The following ZNF680 variants were observed in gnomAD, a reference collection of about 807,000 sequenced individuals.
The protein encoded by ZNF680 is zinc finger protein 680, also known as hypothetical protein FLJ90430.
In ZNF680, 6 loss-of-function variants were observed where a neutral mutation model predicts 12.1. The observed-to-expected ratio is 0.49, with a 90% CI of 0.27 to 0.98. ZNF680 has a LOEUF of 0.98. ZNF680 is among the 50% of genes least tolerant of loss of function. The pLI is 0.12. For missense variants in ZNF680, 561 were observed against 616.3 expected (o/e 0.91, Z 0.95); for synonymous variants, 170 against 199.3 (o/e 0.85, Z 1.24).
intron 1 of ZNF680, among the ~76,000 whole-genome samples, chr7:64,560,092 G>A (rs1787646967): frequency 1.3e-5 from 2 of 149,760 alleles, no homozygotes; most frequent in African/African-American, 4.9e-5. Context: ...TTTTCTGGTG[G>A]AAATGTATTC....
chr7:64,507,873 ACACACATTT>A, the ZNF680 span, among the ~76,000 whole-genome samples: 1 of 110,704 alleles, frequency 9.0e-6, no homozygotes, highest in East Asian at 2.7e-4. Context: ...ACACACACAC[ACACACATTT>A]TTTTATTTCG....
chr7:64,502,593 T>C, the ZNF680 span, among the ~76,000 whole-genome samples: 2 of 152,248 alleles, frequency 1.3e-5, no homozygotes, highest in African/African-American at 2.4e-5. Context: ...TACGATTTGC[T>C]TTTTAAGGTT....
downstream of ZNF680, among the ~76,000 whole-genome samples, chr7:64,515,543 C>T (rs1653476476): frequency 6.6e-6 from 1 of 152,010 alleles, no homozygotes. Flanking sequence ...ATTGCCTCCA[C>T]CCCATATAAT....
chr7:64,544,439 AACACAC>A lies in ZNF680; in HGVS notation c.31-13_31-8del, dbSNP rs3217570. 3.9e-3 allele frequency: 5,916 copies of A among 1,526,810 alleles called. 1 individual carries two copies. The highest frequency in any genetic ancestry group is 0.024 in the East Asian group (954 of 40,142). 94.6% of individuals were successfully genotyped at this position (1,526,810 alleles called of 1,614,324 possible). On this transcript the variant is annotated splice_region_variant and splice_polypyrimidine_tract_variant and intron_variant, in intron 1 of 3. Transcript: ENST00000309683. Reference sequence around the variant, plus strand: ...CCCTAAATGTCAGTGGTCCCTGAAAAACACACACACACACACACACACACACACACA... The same window carrying A: ...CCCTAAATGTCAGTGGTCCCTGAAAAACACACACACACACACACACACACA...
intron 1 of ZNF680, among the ~76,000 whole-genome samples, chr7:64,557,070 A>G (rs6460161): frequency 0.3 from 46,015 of 151,734 alleles, 7,244 homozygotes; most frequent in East Asian, 0.44. Flanking sequence ...CAAACATGGT[A>G]AAACCCCGTC....
chr7:64,551,820 GAA>G (rs1787095588), intron 1 of ZNF680: 1 of 152,288 alleles, frequency 6.6e-6, no homozygotes, highest in African/African-American at 2.4e-5. Flanking sequence ...TGTATCTTGA[GAA>G]AAAACTCAGA....
At chr7:64,530,600 G>A (rs1422444974) in intron 3 of ZNF680, among the ~76,000 whole-genome samples, 1 of 151,992 alleles carries the variant, frequency 6.6e-6, no homozygotes, top group African/African-American at 2.4e-5. Flanking sequence ...GGCCTTGGCT[G>A]GTTCAATCCC....
At chr7:64,503,052 GAATTA>G in the ZNF680 span, among the ~76,000 whole-genome samples, 778 of 152,138 alleles carry the variant, frequency 5.1e-3, 6 homozygotes, top group African/African-American at 0.018. Flanking sequence ...CATAGTCATT[GAATTA>G]AATTATTACT....
chr7:64,530,759 T>G (rs955595241), intron 3 of ZNF680, among the ~76,000 whole-genome samples: 1 of 151,520 alleles, frequency 6.6e-6, no homozygotes, highest in African/African-American at 2.4e-5. Context: ...CTCGGGAGGC[T>G]GAGGAGGAGA....
At position 64,544,343 on chromosome 7, in the gene ZNF680, T is replaced by C. The variant is rs1188553172; in HGVS notation, c.120A>G (p.Lys40=). ...GGTTTCTGTAGTTCTCAAACATCAC[T>C]TTCCTATATAAATTCCGTTGTGCAG... ...LDTAQRNLYR[K]VMFENYRNLV... is the part of the protein sequence containing the mutation. The change falls in exon 2 of 4, where the codon AAA becomes AAG. Residue 40 remains lysine (K), a synonymous_variant. Coordinates refer to ENST00000309683, the MANE Select transcript of ZNF680 (RefSeq NM_178558.5). The C allele has an allele frequency of 6.2e-7, 1 of 1,605,004 alleles. No homozygotes were observed. Among genetic ancestry groups the C allele is most frequent in the African/African-American group, 1.3e-5 (1 of 74,666 alleles).
intron 1 of ZNF680, among the ~76,000 whole-genome samples, chr7:64,545,324 A>AAAG (rs1023442296): frequency 2.6e-5 from 4 of 151,782 alleles, no homozygotes; most frequent in Non-Finnish European, 4.4e-5. Context: ...TTCTGTAAAT[A>AAAG]AAGATGAGAG....
chr7:64,552,178 AGAG>A (rs1787115241), intron 1 of ZNF680: 1 of 152,170 alleles, frequency 6.6e-6, no homozygotes, highest in South Asian at 2.1e-4. Flanking sequence ...CTCAGCCTCC[AGAG>A]TAGATGGAAT....
At chr7:64,547,798 A>T (rs1786862740) in intron 1 of ZNF680, among the ~76,000 whole-genome samples, 1 of 152,260 alleles carries the variant, frequency 6.6e-6, no homozygotes, top group African/African-American at 2.4e-5. Context: ...GCTACATGGA[A>T]CATTTCAGCA....
intron 1 of ZNF680, among the ~76,000 whole-genome samples, chr7:64,557,986 G>A (rs767484669): frequency 4.6e-5 from 7 of 152,134 alleles, no homozygotes; most frequent in African/African-American, 1.7e-4. Context: ...CAACTCGCAC[G>A]TTTACCCCCA....
chr7:64,525,871 C>T (rs1791812101), intron 3 of ZNF680: 2 of 984,826 alleles, frequency 2.0e-6, no homozygotes, highest in Non-Finnish European at 2.4e-6. Context: ...AAACCTATAC[C>T]AGAAATATAC....
At chr7:64,544,514 G>T (rs1786681381) in intron 1 of ZNF680, 82 bp from the exon 2 acceptor site, 2 of 1,536,858 alleles carry the variant, frequency 1.3e-6, no homozygotes, top group Admixed American at 3.8e-5. Context: ...TTTTATTTTG[G>T]CTCAAGGCAA....
intron 3 of ZNF680, among the ~76,000 whole-genome samples, chr7:64,534,206 A>G (rs1437696819): frequency 6.6e-6 from 1 of 152,228 alleles, no homozygotes; most frequent in Non-Finnish European, 1.5e-5. Flanking sequence ...AGCAAAAGGA[A>G]CAGTCAGCAG....
chr7:64,543,508 G>C (rs757935503), intron 3 of ZNF680, among the ~76,000 whole-genome samples, 199 bp downstream of exon 3: 2 of 152,216 alleles, frequency 1.3e-5, no homozygotes, highest in Non-Finnish European at 2.9e-5. Flanking sequence ...TCACTGATGG[G>C]AAAGTAGAAT....
At chr7:64,546,398 T>C (rs532538027) in intron 1 of ZNF680, among the ~76,000 whole-genome samples, 34 of 152,224 alleles carry the variant, frequency 2.2e-4, no homozygotes, top group African/African-American at 6.7e-4. Context: ...CTTCTGTCCT[T>C]TATACAAGAA....
Sources: allele counts gnomAD v4.1 joint callset (sites outside exome capture counted in the v4.1 genomes callset), GRCh38; gene constraint gnomAD v4.1.1; transcripts MANE v1.5; gene names NCBI Gene and HGNC (gene_info 2026-07-23, HGNC 2026-07-21).